AK9: variants seen among roughly 807,000 people sequenced by gnomAD.
AK9 encodes the protein adenylate kinase domain containing 1.
Under a neutral mutation model 239.6 loss-of-function variants are expected in AK9, and 191 were observed. That is an observed-to-expected ratio of 0.80 (90% CI 0.71 to 0.90). The LOEUF is 0.90. AK9 is among the 40% of genes least tolerant of loss of function. The pLI is 0.00. For missense variants in AK9, 1,995 were observed against 2,214.7 expected, an observed-to-expected ratio of 0.90 and a Z score of 1.99; for synonymous variants, 689 against 721.0, an observed-to-expected ratio of 0.96 and a Z score of 0.71.
chr6:109,504,861 C>T lies in AK9; in HGVS notation c.4849+1466G>A, dbSNP rs976590542. ...TTAGTTGCTAAATCTGGCAACTCTA[C>T]GCCTGAAAGTACTTTCTGATAAAAC... On this transcript the variant is annotated intron_variant, in intron 35 of 40. Coordinates refer to ENST00000424296, the MANE Select transcript of AK9 (RefSeq NM_001145128.3). 3.9e-5 allele frequency among the ~76,000 whole-genome samples: 6 copies of T among 152,282 alleles called. 1 individual carries two copies. Among genetic ancestry groups the T allele is most frequent in the South Asian group, 4.1e-4 (2 of 4,826 alleles).
At position 109,550,093 on chromosome 6, in the gene AK9, C is replaced by G. The variant is rs147670363; in HGVS notation, c.2961G>C (p.Leu987Phe). The G allele has an allele frequency of 1.2e-4, 200 of 1,613,552 alleles. No homozygotes were observed. The African/African-American group carries it at 2.4e-3, about 19-fold the overall frequency. The change falls in exon 25 of 41, where the codon TTG becomes TTC. Residue 987 changes from leucine (L) to phenylalanine (F), a missense_variant. By Grantham distance (22) the Leu-to-Phe change is conservative. This residue lies in a region of AK9 where 1,290 missense variants were observed against 1,392.7 expected (regional missense o/e 0.93). Coordinates refer to ENST00000424296, the MANE Select transcript of AK9 (RefSeq NM_001145128.3). ...PEDYVAHEEP[L>F]KAPPLRICLV... is the part of the protein sequence containing the mutation. ...TAAGATAGGAATACTGTCTCACCTT[C>G]AATGGTTCTTCATGAGCCACATAAT... is the stretch of plus-strand genomic sequence containing the variant.
At chr6:109,525,149 G>A (rs1188028057) in intron 29 of AK9, among the ~76,000 whole-genome samples, 4 of 152,016 alleles carry the variant, frequency 2.6e-5, no homozygotes, top group African/African-American at 7.2e-5. Flanking sequence ...TGTTATTGTC[G>A]ACCTTGTCGA....
At chr6:109,553,497 CTGCT>C (rs1784603061) in intron 24 of AK9, among the ~76,000 whole-genome samples, 1 of 152,118 alleles carries the variant, frequency 6.6e-6, no homozygotes, top group Non-Finnish European at 1.5e-5. Context: ...ATTTGGCTCT[CTGCT>C]TGCCTATTGT....
In AK9 at chr6:109,546,042, A is replaced by G. The variant is rs1010258550; in HGVS notation, c.3050T>C (p.Ile1017Thr). 9 of 1,512,180 alleles carry G rather than the reference A, an allele frequency of 6.0e-6. No homozygotes were observed. The African/African-American group carries it at 7.0e-5, about 12-fold the overall frequency. The allele number at this position is 1,512,180 out of a possible 1,614,324, so 93.7% of individuals were successfully genotyped here. The change falls in exon 26 of 41, where the codon ATT becomes ACT. Residue 1017 changes from isoleucine to threonine, a missense_variant. Physicochemically the swap from Ile to Thr is moderately conservative, Grantham distance 89. Coordinates refer to ENST00000424296, the MANE Select transcript of AK9 (RefSeq NM_001145128.3). ...CGRQLAEKLNIFHIQFEEVLQ... is the reference protein window; with the variant it reads ...CGRQLAEKLNTFHIQFEEVLQ... Reference sequence around the variant, plus strand: ...AACTTCTTCAAACTGAATGTGAAAAATGTTTAATTTTTCTGCCAACTGTCT... The same window carrying G: ...AACTTCTTCAAACTGAATGTGAAAAGTGTTTAATTTTTCTGCCAACTGTCT...
At chr6:109,569,203 G>A (rs1302276481) in intron 21 of AK9, among the ~76,000 whole-genome samples, 2 of 152,124 alleles carry the variant, frequency 1.3e-5, no homozygotes, top group African/African-American at 4.8e-5. Context: ...TTAATAAATG[G>A]TGCTGGGAAA....
At chr6:109,601,479 G>A (rs1791953760) in intron 17 of AK9, among the ~76,000 whole-genome samples, 1 of 152,166 alleles carries the variant, frequency 6.6e-6, no homozygotes, top group Non-Finnish European at 1.5e-5. Flanking sequence ...ATTTGTTGAG[G>A]AGTGCTTTAC....
intron 35 of AK9, among the ~76,000 whole-genome samples, chr6:109,504,866 G>C (rs1777959527): frequency 6.6e-6 from 1 of 152,176 alleles, no homozygotes; most frequent in African/African-American, 2.4e-5. Flanking sequence ...CTCTACGCCT[G>C]AAAGTACTTT....
chr6:109,679,681 C>T (rs1243807823), intron 1 of AK9, among the ~76,000 whole-genome samples: 4 of 152,106 alleles, frequency 2.6e-5, no homozygotes, highest in Non-Finnish European at 2.9e-5. Flanking sequence ...CAGCAGGGGC[C>T]GACAGACACC....
chr6:109,633,097 T>TA lies in AK9; in HGVS notation c.1079dup (p.Gly361ArgfsTer2). 6.5e-7 allele frequency: 1 copy of TA among 1,546,068 alleles called. No homozygotes were observed. Among genetic ancestry groups the TA allele is most frequent in the Non-Finnish European group, 8.7e-7 (1 of 1,154,382 alleles). On this transcript the variant is annotated frameshift_variant, in exon 12 of 41. Transcript: ENST00000424296. LOFTEE classifies it high-confidence loss of function. ...CTGATGAAAGACAGTAGATTTTACC[T>TA]AGAAAACTTAAAATATGCCATATTA...
intron 9 of AK9, among the ~76,000 whole-genome samples, chr6:109,642,862 A>T (rs570382219): frequency 6.6e-5 from 10 of 152,318 alleles, no homozygotes; most frequent in Non-Finnish European, 1.3e-4. Context: ...GAAAAACAGC[A>T]GTTGAGCAGC....
At chr6:109,531,441 A>G (rs1781239607) in intron 28 of AK9, among the ~76,000 whole-genome samples, 1 of 152,116 alleles carries the variant, frequency 6.6e-6, no homozygotes, top group South Asian at 2.1e-4. Flanking sequence ...AAATTCTTAA[A>G]GCATGTGATA....
At position 109,672,024 on chromosome 6, in the gene AK9, A is replaced by G. The variant is rs1770986227; in HGVS notation, c.235-9T>C. The stretch of plus-strand genomic sequence containing the variant: ...ATCAACATTGATTGCAACTAAGGAC[A>G]AGCATAGATATTGTACATTACTGTA... On this transcript the variant is annotated splice_polypyrimidine_tract_variant and intron_variant, in intron 4 of 40. Transcript: ENST00000424296. 6.2e-7 allele frequency: 1 copy of G among 1,613,530 alleles called. No individual in the cohort carries two copies. The highest frequency in any genetic ancestry group is 2.2e-5 in the East Asian group (1 of 44,846).
chr6:109,650,389 GA>G (rs969828561), intron 8 of AK9, among the ~76,000 whole-genome samples: 156 of 150,692 alleles, frequency 1.0e-3, no homozygotes, highest in Non-Finnish European at 2.0e-3. Flanking sequence ...AAATTTACAA[GA>G]AAAAAAAACC....
At chr6:109,668,929 G>C (rs542752311) in intron 5 of AK9, among the ~76,000 whole-genome samples, 1 of 88,428 alleles carries the variant, frequency 1.1e-5, no homozygotes, top group South Asian at 7.8e-4. Flanking sequence ...TTCCAATTCT[G>C]TGAAAAGTCA....
intron 17 of AK9, among the ~76,000 whole-genome samples, chr6:109,600,777 A>T (rs562142349): frequency 6.6e-6 from 1 of 152,112 alleles, no homozygotes; most frequent in African/African-American, 2.4e-5. Context: ...GTCTATTCAG[A>T]GATTCAACTT....
At chr6:109,678,468 C>T (rs1379790440) in intron 1 of AK9, among the ~76,000 whole-genome samples, 2 of 152,106 alleles carry the variant, frequency 1.3e-5, no homozygotes, top group Non-Finnish European at 2.9e-5. Context: ...GGAATGGAAA[C>T]GTTCTCTATC....
At chr6:109,533,044 A>G (rs963168937) in intron 28 of AK9, among the ~76,000 whole-genome samples, 3 of 152,180 alleles carry the variant, frequency 2.0e-5, no homozygotes, top group African/African-American at 7.2e-5. Context: ...ATTTGCCATA[A>G]AGAGAGAAGC....
intron 17 of AK9, among the ~76,000 whole-genome samples, chr6:109,586,597 C>A (rs143475993): frequency 6.6e-6 from 1 of 152,232 alleles, no homozygotes; most frequent in African/African-American, 2.4e-5. Context: ...TAGAAAGCTC[C>A]TGGTCCAGCT....
chr6:109,595,034 C>T (rs143211844), intron 17 of AK9, among the ~76,000 whole-genome samples: 6,456 of 152,266 alleles, frequency 0.042, 176 homozygotes, highest in South Asian at 0.088. Flanking sequence ...TAAAGAGCTT[C>T]TGCACAGCAA....
Sources: allele counts gnomAD v4.1 joint callset (sites outside exome capture counted in the v4.1 genomes callset), GRCh38; gene constraint gnomAD v4.1.1; regional missense constraint gnomAD v4.1.1; transcripts MANE v1.5; gene names NCBI Gene and HGNC (gene_info 2026-07-23, HGNC 2026-07-21).